GTF3C1: variants seen among roughly 807,000 people sequenced by gnomAD.
GTF3C1 encodes the protein general transcription factor 3C polypeptide 1.
In GTF3C1, 57 loss-of-function variants were observed where a neutral mutation model predicts 226.7. The ratio of observed to expected loss-of-function variants is 0.25; its 90% CI spans 0.20 to 0.31. GTF3C1 has a LOEUF of 0.31. Among genes scored for constraint, GTF3C1 ranks in the 10% least tolerant of loss-of-function variants. The probability of loss-of-function intolerance (pLI) is 1.00; values close to 1 mark genes in which losing one functional copy is unlikely to be tolerated. For missense variants in GTF3C1, 2,217 were observed against 2,776.1 expected (o/e 0.80, Z 4.53); for synonymous variants, 1,090 against 1,084.8 (o/e 1.00, Z -0.09).
intron 14 of GTF3C1, 73 bp downstream of exon 14, chr16:27,497,564 C>T: frequency 2.4e-6 from 3 of 1,254,364 alleles, no homozygotes; most frequent in Non-Finnish European, 3.4e-6. Flanking sequence ...TGGAGAGGAC[C>T]AAGTGCCTCA....
At chr16:27,495,862 G>A (rs2088308084) in intron 14 of GTF3C1, among the ~76,000 whole-genome samples, 1 of 152,208 alleles carries the variant, frequency 6.6e-6, no homozygotes, top group South Asian at 2.1e-4. Flanking sequence ...AGGTGGGGGT[G>A]TGCCCCGCAC....
In GTF3C1 at chr16:27,485,998, T is replaced by C. The variant is rs1358230467; in HGVS notation, c.3857A>G (p.Lys1286Arg). 6.2e-7 allele frequency: 1 copy of C among 1,602,332 alleles called. No individual in the cohort carries two copies. Among genetic ancestry groups the C allele is most frequent in the South Asian group, 1.1e-5 (1 of 89,820 alleles). Residue 1286 changes from lysine to arginine, a missense_variant and splice_region_variant, in exon 24 of 37, where the codon AAG becomes AGG. Coordinates refer to ENST00000356183, the MANE Select transcript of GTF3C1 (RefSeq NM_001520.4). ...CCGCTGGGCTGGGCTGGTTGGTACC[T>C]TGGTGTTGAGGACATTGCTGGCAAT... ...CRIASNVLNTKVKGPFVTWQV... is the reference protein window; with the variant it reads ...CRIASNVLNTRVKGPFVTWQV...
rs757338119 is a variant in GTF3C1 at position 27,538,171 on chromosome 16, C to G, written c.608+9G>C. 5 of 1,527,964 alleles carry G rather than the reference C, an allele frequency of 3.3e-6. No homozygotes were observed. Among genetic ancestry groups the G allele is most frequent in the Non-Finnish European group, 4.4e-6 (5 of 1,132,140 alleles). 94.7% of individuals were successfully genotyped at this position (1,527,964 alleles called of 1,614,324 possible). A position where few individuals can be genotyped will look rare whatever the true frequency, so the allele number is the denominator to read the frequency against. ...AATTTAAAGCAGAGAAGCAAATCCC[C>G]CCACTTACTTGAAAGCAGTGGTGTG... On this transcript the variant is annotated intron_variant, in intron 3 of 36. Transcript: ENST00000356183.
chr16:27,531,683 T>C (rs2088919487), intron 5 of GTF3C1, among the ~76,000 whole-genome samples: 1 of 152,248 alleles, frequency 6.6e-6, no homozygotes, highest in South Asian at 2.1e-4. Context: ...GGCTTGCTGC[T>C]AACACAGTCC....
Position 27,469,194 on chromosome 16 carries a change from TG to T in GTF3C1, c.5074+96del. 7.8e-7 allele frequency: 1 copy of T among 1,280,806 alleles called. No homozygotes were observed. The highest frequency in any genetic ancestry group is 1.1e-6 in the Non-Finnish European group (1 of 945,392). The allele number at this position is 1,280,806 out of a possible 1,614,324, so 79.3% of individuals were successfully genotyped here. ...GTGTTCTGTGGCTGCACGCCTGGCC[TG>T]GGGAGCCTGAAGGTCTAGGTCCCAG... is the stretch of plus-strand genomic sequence containing the variant. On this transcript the variant is annotated intron_variant, in intron 32 of 36. Coordinates refer to ENST00000356183, the MANE Select transcript of GTF3C1 (RefSeq NM_001520.4). This position sits in a 1 kb window ranked among gnomAD's most constrained non-coding sequence, Gnocchi z 4.5.
At chr16:27,488,657 G>A (rs776020057) in intron 21 of GTF3C1, 22 bp from the exon 22 acceptor site, 3 of 1,580,994 alleles carry the variant, frequency 1.9e-6, no homozygotes, top group Non-Finnish European at 2.6e-6. Flanking sequence ...GCACAGCACT[G>A]GGATGAAGCA....
At chr16:27,488,770 T>A in intron 21 of GTF3C1, 135 bp from the exon 22 acceptor site, 1 of 736,700 alleles carries the variant, frequency 1.4e-6, no homozygotes, top group Non-Finnish European at 2.3e-6. Flanking sequence ...TGGAGTCTCC[T>A]GCCACCCGCT....
At chr16:27,465,185 T>A in intron 33 of GTF3C1, 75 bp downstream of exon 33, 1 of 1,358,322 alleles carries the variant, frequency 7.4e-7, no homozygotes, top group Non-Finnish European at 1.0e-6. Flanking sequence ...ATCAAGCCCA[T>A]CCTCAGTGTG....
chr16:27,472,565 G>A (rs1293348077), intron 29 of GTF3C1, among the ~76,000 whole-genome samples: 1 of 152,192 alleles, frequency 6.6e-6, no homozygotes. Context: ...TCACGACAAG[G>A]AGCCTGATAA....
Position 27,463,309 on chromosome 16 carries a change from T to A in GTF3C1, c.5924+232A>T. The A allele has an allele frequency of 1.8e-6, 1 of 559,342 alleles. No individual in the cohort carries two copies. Among genetic ancestry groups the A allele is most frequent in the South Asian group, 2.3e-5 (1 of 43,526 alleles). 34.6% of individuals were successfully genotyped at this position (559,342 alleles called of 1,614,324 possible). A position where few individuals can be genotyped will look rare whatever the true frequency, so the allele number is the denominator to read the frequency against. On this transcript the variant is annotated intron_variant, in intron 35 of 36. Coordinates refer to ENST00000356183, the MANE Select transcript of GTF3C1 (RefSeq NM_001520.4). The surrounding 1 kb of genome is among the most constrained non-coding windows in gnomAD (Gnocchi z 4.9). ...TGGTTCTCCACCAGCGCCCTGGGCATTCTGGAAGCGCAGCCCTCATTCCAG... is the reference window on the plus strand; with the variant it reads ...TGGTTCTCCACCAGCGCCCTGGGCAATCTGGAAGCGCAGCCCTCATTCCAG...
chr16:27,493,324 C>A, intron 16 of GTF3C1, 28 bp from the exon 17 acceptor site: 1 of 1,182,748 alleles, frequency 8.5e-7, no homozygotes, highest in South Asian at 1.2e-5. Flanking sequence ...AGGTTCAGCT[C>A]GCCCTGAGGG....
Position 27,502,939 on chromosome 16 carries a change from G to C in GTF3C1, c.1827C>G (p.His609Gln). Residue 609 changes from histidine to glutamine, a missense_variant, in exon 11 of 37, where the codon CAC becomes CAG. His to Gln is a conservative substitution (Grantham distance 24). Coordinates refer to ENST00000356183, the MANE Select transcript of GTF3C1 (RefSeq NM_001520.4). ...GRHSSGQDKP[H>Q]ETYRLLKRRN... is the part of the protein sequence containing the mutation. ...TGCGTTTCAGCAGTCGGTAAGTTTC[G>C]TGTGGTTTGTCTTGGCCTGAGCTGT... 1 of 1,613,216 alleles carries C rather than the reference G, an allele frequency of 6.2e-7. No homozygotes were observed. Among genetic ancestry groups the C allele is most frequent in the Non-Finnish European group, 8.5e-7 (1 of 1,179,264 alleles).
chr16:27,493,166 G>A (rs748675215), intron 17 of GTF3C1, 33 bp downstream of exon 17: 4 of 1,143,448 alleles, frequency 3.5e-6, no homozygotes, highest in East Asian at 2.3e-5. Flanking sequence ...GTTTGGACCT[G>A]CGACTACTCT....
intron 5 of GTF3C1, among the ~76,000 whole-genome samples, chr16:27,529,819 G>A (rs2088888241): frequency 6.6e-6 from 1 of 152,216 alleles, no homozygotes; most frequent in South Asian, 2.1e-4. Flanking sequence ...CACAGCCTTT[G>A]CGCTCCCCAA....
At chr16:27,479,110 A>G (rs990833259) in intron 27 of GTF3C1, among the ~76,000 whole-genome samples, 44 of 152,358 alleles carry the variant, frequency 2.9e-4, no homozygotes, top group Non-Finnish European at 5.4e-4. Flanking sequence ...ATAGATTTTT[A>G]AGGTTTGTAT....
chr16:27,462,117 T>C lies in GTF3C1; in HGVS notation c.6117+177A>G. 3.3e-6 allele frequency: 2 copies of C among 597,306 alleles called. No homozygotes were observed. Among genetic ancestry groups the C allele is most frequent in the Non-Finnish European group, 6.0e-6 (2 of 335,476 alleles). 37.0% of individuals were successfully genotyped at this position (597,306 alleles called of 1,614,324 possible). ...TCCAGCCTGGTCAGCAGCATGGAGCTGGTGAAGGACACTGAGGGACAGCCT... is the reference window on the plus strand; with the variant it reads ...TCCAGCCTGGTCAGCAGCATGGAGCCGGTGAAGGACACTGAGGGACAGCCT... On this transcript the variant is annotated intron_variant, in intron 36 of 36. Transcript: ENST00000356183. The surrounding 1 kb of genome is among the most constrained non-coding windows in gnomAD (Gnocchi z 4.5).
intron 6 of GTF3C1, among the ~76,000 whole-genome samples, chr16:27,512,109 T>C (rs965107778): frequency 1.3e-5 from 2 of 152,146 alleles, no homozygotes; most frequent in Non-Finnish European, 2.9e-5. Context: ...TTTTTGTTTT[T>C]AGAAGAATGA....
chr16:27,484,447 T>C, intron 24 of GTF3C1, 94 bp from the exon 25 acceptor site: 2 of 819,238 alleles, frequency 2.4e-6, no homozygotes, highest in South Asian at 1.5e-5. Context: ...ATGTGTTTTG[T>C]GCAGCCTCCT....
chr16:27,464,325 G>A lies in GTF3C1; in HGVS notation c.5867C>T (p.Pro1956Leu), dbSNP rs2087749888. The A allele has an allele frequency of 6.7e-7, 1 of 1,494,130 alleles. No individual in the cohort carries two copies. The highest frequency in any genetic ancestry group is 8.9e-7 in the Non-Finnish European group (1 of 1,124,154). The allele number at this position is 1,494,130 out of a possible 1,614,324, so 92.6% of individuals were successfully genotyped here. ...GGGGACAAGGCGCGCGGTACCTCTG[G>A]GGTCTTCAGAGCCCTCTGGAGGCTG... ...QAQPPEGSED[P>L]RGFTESFGAA... The change falls in exon 34 of 37, where the codon CCC (proline) becomes CTC (leucine). Residue 1956 changes from proline (P) to leucine (L), a missense_variant. Pro to Leu is a moderately conservative substitution (Grantham distance 98). Around this residue, in one of 12 missense-constraint regions of GTF3C1, gnomAD observed 455 missense variants for 441.9 expected, o/e 1.03. Coordinates refer to ENST00000356183, the MANE Select transcript of GTF3C1 (RefSeq NM_001520.4).
Sources: allele counts gnomAD v4.1 joint callset (sites outside exome capture counted in the v4.1 genomes callset), GRCh38; gene constraint gnomAD v4.1.1; regional missense constraint gnomAD v4.1.1; non-coding constraint Gnocchi (gnomAD v3.1); transcripts MANE v1.5; gene names NCBI Gene and HGNC (gene_info 2026-07-23, HGNC 2026-07-21).